The following AHCYL2 variants were observed in gnomAD, a reference collection of about 807,000 sequenced individuals.
The protein encoded by AHCYL2 is adenosylhomocysteinase like 2.
In AHCYL2, 28 loss-of-function variants were observed where a neutral mutation model predicts 81.4. The observed-to-expected ratio is 0.34, with a 90% CI of 0.25 to 0.47. AHCYL2 has a LOEUF of 0.47. AHCYL2 is among the 20% of genes least tolerant of loss of function. The pLI is 1.00. For synonymous variants in AHCYL2, 272 were observed against 290.2 expected (o/e 0.94, Z 0.64); for missense variants, 551 against 785.1 (o/e 0.70, Z 3.56).
intron 1 of AHCYL2, among the ~76,000 whole-genome samples, chr7:129,253,476 G>A (rs555364413): frequency 4.6e-5 from 7 of 152,306 alleles, no homozygotes; most frequent in African/African-American, 1.4e-4. Flanking sequence ...GTTAAATGAC[G>A]TTGAGCACTA....
intron 1 of AHCYL2, among the ~76,000 whole-genome samples, chr7:129,231,186 G>T (rs1563159111): frequency 6.6e-6 from 1 of 151,896 alleles, no homozygotes; most frequent in Non-Finnish European, 1.5e-5. Context: ...GTTGCAGTGA[G>T]CCGAGATCAT....
chr7:129,304,613 C>G (rs889620497), intron 1 of AHCYL2, among the ~76,000 whole-genome samples: 6 of 152,090 alleles, frequency 3.9e-5, no homozygotes, highest in African/African-American at 1.4e-4. Flanking sequence ...GCTGAATTAA[C>G]CCCTTTATCA....
At chr7:129,247,602 A>T (rs951908124) in intron 1 of AHCYL2, among the ~76,000 whole-genome samples, 1 of 29,978 alleles carries the variant, frequency 3.3e-5, no homozygotes, top group Non-Finnish European at 1.1e-4. Context: ...AATAGATTGT[A>T]CTTTTTTTTT....
chr7:129,345,722 T>C (rs1390270748), intron 1 of AHCYL2, among the ~76,000 whole-genome samples: 2 of 152,112 alleles, frequency 1.3e-5, no homozygotes, highest in Non-Finnish European at 2.9e-5. Flanking sequence ...AGGAAGACAA[T>C]GATAGGATCA....
chr7:129,286,011 C>A (rs942977828), intron 1 of AHCYL2, among the ~76,000 whole-genome samples: 3 of 152,014 alleles, frequency 2.0e-5, no homozygotes, highest in African/African-American at 7.3e-5. Flanking sequence ...CATGCCTGGC[C>A]TAAATCCTCT....
At chr7:129,408,184 G>A (rs549134075) in intron 10 of AHCYL2, among the ~76,000 whole-genome samples, 78 of 152,272 alleles carry the variant, frequency 5.1e-4, no homozygotes, top group African/African-American at 1.8e-3. Flanking sequence ...TTAAGGAAAG[G>A]AAGCGACATG....
chr7:129,294,439 T>G (rs1184578966), intron 1 of AHCYL2, among the ~76,000 whole-genome samples: 2 of 145,740 alleles, frequency 1.4e-5, no homozygotes, highest in Non-Finnish European at 3.1e-5. Context: ...CTTACATGCC[T>G]GTTAGTATTA....
At chr7:129,390,563 G>A (rs1367927314) in intron 4 of AHCYL2, among the ~76,000 whole-genome samples, 2 of 152,186 alleles carry the variant, frequency 1.3e-5, no homozygotes, top group African/African-American at 4.8e-5. Context: ...CCAAAGGGAA[G>A]GCAGACTTCA....
At chr7:129,355,368 T>G (rs1439572270) in intron 1 of AHCYL2, among the ~76,000 whole-genome samples, 1 of 152,194 alleles carries the variant, frequency 6.6e-6, no homozygotes, top group African/African-American at 2.4e-5. Context: ...TGAGTTATAG[T>G]GCTGTTATCT....
At chr7:129,325,101 T>A (rs1798172955) in intron 1 of AHCYL2, among the ~76,000 whole-genome samples, 1 of 152,192 alleles carries the variant, frequency 6.6e-6, no homozygotes, top group Non-Finnish European at 1.5e-5. Flanking sequence ...ATGTTTGTAT[T>A]TACCATTTTT....
chr7:129,414,578 G>A (rs1019754418), intron 12 of AHCYL2, among the ~76,000 whole-genome samples: 1 of 151,992 alleles, frequency 6.6e-6, no homozygotes, highest in Admixed American at 6.6e-5. Context: ...TCGCTACCAT[G>A]CCTGGCTAAT....
At chr7:129,349,210 C>T (rs188293384) in intron 1 of AHCYL2, among the ~76,000 whole-genome samples, 4 of 152,226 alleles carry the variant, frequency 2.6e-5, no homozygotes, top group Non-Finnish European at 4.4e-5. Context: ...TAGGTTTACT[C>T]TGTATGGGCT....
intron 1 of AHCYL2, among the ~76,000 whole-genome samples, chr7:129,254,781 T>C (rs1352380888): frequency 6.6e-6 from 1 of 152,196 alleles, no homozygotes; most frequent in Non-Finnish European, 1.5e-5. Context: ...GGCACCTTTA[T>C]AGCTACCTTT....
intron 1 of AHCYL2, among the ~76,000 whole-genome samples, chr7:129,226,237 T>G (rs747027715): frequency 2.0e-5 from 3 of 152,228 alleles, no homozygotes; most frequent in Admixed American, 6.5e-5. Context: ...GGCGTCAGCT[T>G]CTTTCAGACA....
Position 129,368,065 on chromosome 7 carries a change from C to T in AHCYL2, c.364-11573C>T. 1.0e-6 allele frequency: 1 copy of T among 985,292 alleles called. No homozygotes were observed. The highest frequency in any genetic ancestry group is 1.2e-6 in the Non-Finnish European group (1 of 828,256). The allele number at this position is 985,292 out of a possible 1,614,324, so 61.0% of individuals were successfully genotyped here. ...GTCTTTATTGATCTTGGTATCCGCA[C>T]CTCCAGTGACGTGTCCTGAAGGGTG... is the stretch of plus-strand genomic sequence containing the variant. On this transcript the variant is annotated intron_variant, in intron 1 of 16. Transcript: ENST00000325006. The surrounding 1 kb of genome is among the most constrained non-coding windows in gnomAD (Gnocchi z 4.4).
At chr7:129,340,020 G>A (rs1314904054) in intron 1 of AHCYL2, among the ~76,000 whole-genome samples, 5 of 142,444 alleles carry the variant, frequency 3.5e-5, no homozygotes, top group South Asian at 2.2e-4. Flanking sequence ...CCGGGTTCAC[G>A]CCATTCTTCT....
intron 1 of AHCYL2, among the ~76,000 whole-genome samples, chr7:129,366,595 A>G (rs896566116): frequency 6.6e-6 from 1 of 152,090 alleles, no homozygotes; most frequent in African/African-American, 2.4e-5. Context: ...CAGCCTCAAC[A>G]TGGCGAAACC....
chr7:129,253,200 C>CT (rs35525239), intron 1 of AHCYL2, among the ~76,000 whole-genome samples: 3,734 of 151,394 alleles, frequency 0.025, 76 homozygotes, highest in Admixed American at 0.057. Flanking sequence ...GAGCAAGACT[C>CT]TGTTTCAAAA....
chr7:129,393,875 G>C (rs1447001073), intron 4 of AHCYL2, among the ~76,000 whole-genome samples: 1 of 152,152 alleles, frequency 6.6e-6, no homozygotes, highest in Non-Finnish European at 1.5e-5. Context: ...CATGTAACTG[G>C]AGTTCCAGAA....
Sources: allele counts gnomAD v4.1 joint callset (sites outside exome capture counted in the v4.1 genomes callset), GRCh38; gene constraint gnomAD v4.1.1; non-coding constraint Gnocchi (gnomAD v3.1); transcripts MANE v1.5; gene names NCBI Gene and HGNC (gene_info 2026-07-23, HGNC 2026-07-21).